The following ZNF85 variants were observed in gnomAD, a reference collection of about 807,000 sequenced individuals.
The protein encoded by ZNF85 is zinc finger protein 85 (HPF4, HTF1).
ZNF85 carries 50 observed loss-of-function variants against 53.9 expected under a neutral mutation model. The observed-to-expected ratio is 0.93, with a 90% CI of 0.74 to 1.17. The LOEUF is 1.17. Among genes scored for constraint, ZNF85 ranks in the 50% most tolerant of loss-of-function variants. The pLI is 0.00. For missense variants in ZNF85, 747 were observed against 688.5 expected, an observed-to-expected ratio of 1.08 and a Z score of -0.95; for synonymous variants, 225 against 226.1, an observed-to-expected ratio of 1.00 and a Z score of 0.04.
intron 3 of ZNF85, among the ~76,000 whole-genome samples, chr19:20,948,492 TC>T (rs904994888): frequency 6.1e-5 from 9 of 146,446 alleles, no homozygotes; most frequent in African/African-American, 2.3e-4. Context: ...ACTTTTTTTT[TC>T]CTATGTGGCT....
intron 3 of ZNF85, chr19:20,943,529 A>G (rs1973350095): frequency 6.6e-6 from 1 of 152,024 alleles, no homozygotes; most frequent in Admixed American, 6.5e-5. Flanking sequence ...CTTCTTGTAC[A>G]GTCTGCCCAA....
intron 3 of ZNF85, among the ~76,000 whole-genome samples, chr19:20,948,539 T>TTA (rs1467297188): frequency 6.6e-6 from 1 of 152,160 alleles, no homozygotes; most frequent in East Asian, 1.9e-4. Context: ...CTGCACACAC[T>TTA]TAACTCATTT....
chr19:20,926,732 GA>G (rs1972888862), intron 1 of ZNF85: 1 of 152,166 alleles, frequency 6.6e-6, no homozygotes. Context: ...CCCACAGGCA[GA>G]TGCAGTTAAG....
chr19:20,941,425 G>C (rs919536651), intron 3 of ZNF85, among the ~76,000 whole-genome samples: 1 of 152,054 alleles, frequency 6.6e-6, no homozygotes, highest in African/African-American at 2.4e-5. Flanking sequence ...GTCACACCCG[G>C]CTAATTTTTA....
chr19:20,928,830 TAC>T (rs1972939839), intron 1 of ZNF85: 1 of 152,182 alleles, frequency 6.6e-6, no homozygotes, highest in Non-Finnish European at 1.5e-5. Context: ...AGCAAAAACC[TAC>T]AGTCCTTCCA....
chr19:20,932,390 T>C (rs1363778878), intron 1 of ZNF85, among the ~76,000 whole-genome samples: 6 of 152,214 alleles, frequency 3.9e-5, no homozygotes, highest in Admixed American at 3.9e-4. Context: ...AAAAGTATTT[T>C]TTTTCTATAT....
chr19:20,926,228 T>C lies in ZNF85; in HGVS notation c.3+2825T>C, dbSNP rs1288306904. 5.9e-5 allele frequency among the ~76,000 whole-genome samples: 9 copies of C among 152,320 alleles called. No homozygotes were observed. In the South Asian group the frequency reaches 1.9e-3, roughly 32 times the overall value. ...AAATTTCTCTTTTTGCAGGGTAAAG[T>C]TGTGACAGTGAATATTTCTGTCCCA... On this transcript the variant is annotated intron_variant, in intron 1 of 3. Transcript: ENST00000328178.
Position 20,941,463 on chromosome 19 carries a change from G to A in ZNF85, c.229+6416G>A, listed in dbSNP as rs113612085. ...TTTTTAGTAGAGACGGGGTTTCACCGTGTTGGTTATGCTGGTCTTGAACTC... is the reference window on the plus strand; with the variant it reads ...TTTTTAGTAGAGACGGGGTTTCACCATGTTGGTTATGCTGGTCTTGAACTC... On this transcript the variant is annotated intron_variant, in intron 3 of 3. Transcript: ENST00000328178. Among the ~76,000 whole-genome samples, 11 of 152,126 alleles carry A rather than the reference G, an allele frequency of 7.2e-5. 1 individual carries two copies. Among genetic ancestry groups the A allele is most frequent in the South Asian group, 6.2e-4 (3 of 4,824 alleles).
chr19:20,949,209 G>A lies in ZNF85; in HGVS notation c.695G>A (p.Cys232Tyr), dbSNP rs1973501083. ...CATACGGGAGAGAAACCTTACAAAT[G>A]TGAAGAATGTGGTAAAGCCTTTAAC... Reference protein sequence around the residue: ...RIHTGEKPYKCEECGKAFNQS... With the variant: ...RIHTGEKPYKYEECGKAFNQS... Residue 232 changes from cysteine to tyrosine, a missense_variant, in exon 4 of 4, where the codon TGT becomes TAT. Cys to Tyr is a radical substitution (Grantham distance 194). Coordinates refer to ENST00000328178, the MANE Select transcript of ZNF85 (RefSeq NM_003429.5). 1.2e-6 allele frequency: 2 copies of A among 1,613,304 alleles called. No individual in the cohort carries two copies. The highest frequency in any genetic ancestry group is 1.7e-6 in the Non-Finnish European group (2 of 1,179,740).
rs1599448293 is a variant in ZNF85 at position 20,947,599 on chromosome 19, T to G, written c.230-1145T>G. ...CATGACAAATTTACTAGTAATCTCA[T>G]AAGACTATGCTTATAAATGACACAT... On this transcript the variant is annotated intron_variant, in intron 3 of 3. Transcript: ENST00000328178. 4.2e-5 allele frequency among the ~76,000 whole-genome samples: 6 copies of G among 144,056 alleles called. No individual in the cohort carries two copies. In the South Asian group the frequency reaches 1.4e-3, roughly 34 times the overall value. 94.5% of individuals were successfully genotyped at this position (144,056 alleles called of 152,430 possible).
At chr19:20,948,697 A>G in intron 3 of ZNF85, 47 bp from the exon 4 acceptor site, 1 of 1,364,508 alleles carries the variant, frequency 7.3e-7, no homozygotes, top group South Asian at 1.5e-5. Flanking sequence ...AACTATCTTC[A>G]TCTAAGTCTA....
At chr19:20,929,102 CT>C (rs892287984) in intron 1 of ZNF85, among the ~76,000 whole-genome samples, 311 of 142,606 alleles carry the variant, frequency 2.2e-3, no homozygotes, top group Admixed American at 3.2e-3. Context: ...TTAGCTCTTA[CT>C]TTTTTTTTTT....
In ZNF85 at chr19:20,940,558, T is replaced by C. The variant is rs952329660; in HGVS notation, c.229+5511T>C. On this transcript the variant is annotated intron_variant, in intron 3 of 3. Transcript: ENST00000328178. ...TCTCCAAAAAAAAAATAGCTTTATATTTCAGGAATGTTAAGTATATTCACA... is the reference window on the plus strand; with the variant it reads ...TCTCCAAAAAAAAAATAGCTTTATACTTCAGGAATGTTAAGTATATTCACA... Among the ~76,000 whole-genome samples, 4 of 152,148 alleles carry C rather than the reference T, an allele frequency of 2.6e-5. No homozygotes were observed. The East Asian group carries it at 7.7e-4, about 29-fold the overall frequency.
intron 1 of ZNF85, among the ~76,000 whole-genome samples, chr19:20,931,620 C>CTTTTTTTTTTTTTTTTTTTT (rs1156835317): frequency 9.2e-5 from 11 of 119,464 alleles, no homozygotes; most frequent in Admixed American, 2.7e-4. Context: ...TTTTCTTTTT[C>CTTTTTTTTTTTTTTTTTTTT]TTTTTTTTTT....
At chr19:20,931,186 G>A (rs928040542) in intron 1 of ZNF85, among the ~76,000 whole-genome samples, 35 of 152,086 alleles carry the variant, frequency 2.3e-4, no homozygotes, top group African/African-American at 8.2e-4. Flanking sequence ...GAGCCCAAGG[G>A]AAGCAACATC....
chr19:20,950,319 T>G lies in ZNF85; in HGVS notation c.*17T>G, dbSNP rs1973553319. The G allele has an allele frequency of 1.3e-6, 2 of 1,490,042 alleles. No individual in the cohort carries two copies. The highest frequency in any genetic ancestry group is 1.8e-6 in the Non-Finnish European group (2 of 1,115,944). The allele number at this position is 1,490,042 out of a possible 1,614,324, so 92.3% of individuals were successfully genotyped here. A position where few individuals can be genotyped will look rare whatever the true frequency, so the allele number is the denominator to read the frequency against. On this transcript the variant is annotated 3_prime_UTR_variant, in exon 4 of 4. Transcript: ENST00000328178. The stretch of plus-strand genomic sequence containing the variant: ...CAAATATGAAAATTATGGCAAAGCT[T>G]TAATCAATTTACAAGTCTTACTAAA...
chr19:20,941,455 G>A (rs937443764), intron 3 of ZNF85, among the ~76,000 whole-genome samples: 1 of 152,084 alleles, frequency 6.6e-6, no homozygotes, highest in Non-Finnish European at 1.5e-5. Context: ...TAGAGACGGG[G>A]TTTCACCGTG....
chr19:20,942,145 G>T (rs1973312084), intron 3 of ZNF85, among the ~76,000 whole-genome samples: 2 of 151,260 alleles, frequency 1.3e-5, no homozygotes, highest in African/African-American at 4.8e-5. Flanking sequence ...TTTTGTTATT[G>T]TAGCTTTTAT....
intron 3 of ZNF85, among the ~76,000 whole-genome samples, chr19:20,941,301 T>C (rs1239532508): frequency 1.3e-5 from 2 of 151,924 alleles, no homozygotes; most frequent in Non-Finnish European, 2.9e-5. Context: ...CCAGGTGGAG[T>C]CTTGCTCCAG....
Sources: gnomAD v4.1 joint callset for allele counts (sites outside exome capture counted in the v4.1 genomes callset) on GRCh38, gnomAD v4.1.1 for gene constraint, MANE v1.5 for transcripts, NCBI Gene and HGNC (gene_info 2026-07-23, HGNC 2026-07-21) for gene names.